The following ERAP2 variants were observed in gnomAD, a reference collection of about 807,000 sequenced individuals.
The protein encoded by ERAP2 is endoplasmic reticulum aminopeptidase 2, also known as leukocyte-derived arginine aminopeptidase.
ERAP2 carries 118 observed loss-of-function variants against 111.1 expected under a neutral mutation model. That is an observed-to-expected ratio of 1.06 (90% CI 0.92 to 1.24). The LOEUF (loss-of-function observed/expected upper bound fraction) is 1.24, where lower values mean the gene tolerates loss of function less well. Among genes scored for constraint, ERAP2 ranks in the 50% most tolerant of loss-of-function variants. The pLI, the probability that ERAP2 is intolerant of heterozygous loss-of-function variation, is 0.00. For synonymous variants in ERAP2, 410 were observed against 401.2 expected, an observed-to-expected ratio of 1.02 and a Z score of -0.26; for missense variants, 1,131 against 1,125.8, an observed-to-expected ratio of 1.00 and a Z score of -0.07.
intron 18 of ERAP2, among the ~76,000 whole-genome samples, chr5:96,916,259 G>A (rs1234446105): frequency 1.3e-5 from 2 of 150,674 alleles, no homozygotes; most frequent in Non-Finnish European, 3.0e-5. Flanking sequence ...AAAAACAACA[G>A]CAAAAAAAAG....
chr5:96,903,850 C>A (rs982121557), intron 13 of ERAP2, among the ~76,000 whole-genome samples: 1 of 152,148 alleles, frequency 6.6e-6, no homozygotes, highest in African/African-American at 2.4e-5. Context: ...ATCCTGTGGG[C>A]CACAGGATAG....
At chr5:96,908,533 T>C (rs1786354319) in intron 13 of ERAP2, among the ~76,000 whole-genome samples, 1 of 152,210 alleles carries the variant, frequency 6.6e-6, no homozygotes, top group Non-Finnish European at 1.5e-5. Context: ...CCCAATGTAC[T>C]TGGAGAAACA....
upstream of ERAP2, chr5:96,876,109 T>G (rs1782504596): frequency 6.6e-6 from 1 of 152,390 alleles, no homozygotes; most frequent in African/African-American, 2.4e-5. Flanking sequence ...GGAGTTACGT[T>G]TGTGGGGTGG....
chr5:96,915,469 A>G (rs1787276490), intron 17 of ERAP2, among the ~76,000 whole-genome samples: 1 of 126,200 alleles, frequency 7.9e-6, no homozygotes, highest in Admixed American at 8.5e-5. Context: ...TATTTCCCAA[A>G]GAAGCTGTAT....
chr5:96,878,998 G>T (rs1409988045), intron 1 of ERAP2, among the ~76,000 whole-genome samples: 3 of 152,078 alleles, frequency 2.0e-5, no homozygotes, highest in African/African-American at 7.2e-5. Context: ...CCAACAGTTT[G>T]GGAGGATTGC....
At chr5:96,891,385 A>ATG (rs1491088471) in intron 5 of ERAP2, among the ~76,000 whole-genome samples, 16 of 148,654 alleles carry the variant, frequency 1.1e-4, no homozygotes, top group South Asian at 2.1e-4. Context: ...ATATATATAT[A>ATG]TGTGTATACA....
intron 5 of ERAP2, among the ~76,000 whole-genome samples, chr5:96,889,840 A>G (rs955790560): frequency 3.5e-5 from 2 of 56,860 alleles, no homozygotes; most frequent in Non-Finnish European, 6.9e-5. Context: ...ATACACACAC[A>G]CACACACACA....
chr5:96,909,525 A>G, intron 14 of ERAP2, 55 bp from the exon 15 acceptor site: 2 of 1,418,738 alleles, frequency 1.4e-6, no homozygotes, highest in South Asian at 1.2e-5. Flanking sequence ...ATGGGCAAGA[A>G]CTGTGTTAAG....
At chr5:96,897,085 C>A (rs186823978) in intron 9 of ERAP2, among the ~76,000 whole-genome samples, 2 of 151,526 alleles carry the variant, frequency 1.3e-5, no homozygotes, top group Non-Finnish European at 2.9e-5. Flanking sequence ...ACCTGACTTT[C>A]TTTGGTTTCT....
chr5:96,913,252 G>A, intron 16 of ERAP2, 65 bp from the exon 17 acceptor site: 2 of 1,285,282 alleles, frequency 1.6e-6, no homozygotes, highest in Non-Finnish European at 2.2e-6. Context: ...TATATTGGTG[G>A]CTTGAGTTAA....
At chr5:96,910,184 G>T (rs1218925122) in intron 15 of ERAP2, 5 of 159,180 alleles carry the variant, frequency 3.1e-5, no homozygotes, top group Non-Finnish European at 6.9e-5. Flanking sequence ...AGAATTGCTT[G>T]AACCTGGGAA....
intron 13 of ERAP2, 88 bp downstream of exon 13, chr5:96,903,648 T>G: frequency 8.2e-7 from 1 of 1,218,898 alleles, no homozygotes; most frequent in Non-Finnish European, 1.1e-6. Context: ...TCAACATTGG[T>G]CATTGATTTA....
At chr5:96,886,495 G>C (rs1783728794) in intron 3 of ERAP2, among the ~76,000 whole-genome samples, 160 bp from the exon 4 acceptor site, 1 of 152,216 alleles carries the variant, frequency 6.6e-6, no homozygotes. Context: ...GGAGGTAAGA[G>C]AGGCTACAGA....
intron 14 of ERAP2, 123 bp from the exon 15 acceptor site, chr5:96,909,457 T>TA (rs1581896968): frequency 7.9e-6 from 6 of 761,746 alleles, no homozygotes; most frequent in Non-Finnish European, 1.3e-5. Flanking sequence ...AATACGAAGA[T>TA]ACACTGTTTG....
chr5:96,879,488 CT>C, intron 1 of ERAP2, 75 bp from the exon 2 acceptor site: 1 of 537,746 alleles, frequency 1.9e-6, no homozygotes. Flanking sequence ...TCACACATAC[CT>C]TTTTACATGT....
intron 13 of ERAP2, among the ~76,000 whole-genome samples, chr5:96,905,917 T>A (rs1195154272): frequency 6.6e-6 from 1 of 150,864 alleles, no homozygotes; most frequent in African/African-American, 2.4e-5. Flanking sequence ...ACATTTAGTT[T>A]GGAGAGATAA....
At chr5:96,902,617 T>C (rs915027999) in intron 12 of ERAP2, 1 of 299,480 alleles carries the variant, frequency 3.3e-6, no homozygotes, top group Non-Finnish European at 6.3e-6. Flanking sequence ...TTATGTCTTA[T>C]AATACCCACT....
At position 96,892,404 on chromosome 5, in the gene ERAP2, C is replaced by T. The variant is rs1187155808; in HGVS notation, c.1076C>T (p.Ser359Phe). Reference sequence around the variant, plus strand: ...TTTGACCCCAAGACCTCTTCTGCTTCCGATAAACTGTGGGTCACCAGAGTC... The same window carrying T: ...TTTGACCCCAAGACCTCTTCTGCTTTCGATAAACTGTGGGTCACCAGAGTC... ...LLFDPKTSSA[S>F]DKLWVTRVIA... Residue 359 changes from serine to phenylalanine, a missense_variant, in exon 6 of 19, where the codon TCC becomes TTC. Physicochemically the swap from Ser to Phe is radical, Grantham distance 155. This residue lies in a region of ERAP2 where 847 missense variants were observed against 856.5 expected (regional missense o/e 0.99). Transcript: ENST00000437043. The T allele has an allele frequency of 6.2e-7, 1 of 1,614,062 alleles. No individual in the cohort carries two copies. Among genetic ancestry groups the T allele is most frequent in the South Asian group, 1.1e-5 (1 of 91,082 alleles).
chr5:96,907,144 C>G (rs1786179519), intron 13 of ERAP2, among the ~76,000 whole-genome samples: 1 of 152,158 alleles, frequency 6.6e-6, no homozygotes, highest in Non-Finnish European at 1.5e-5. Flanking sequence ...TAGGTGTGGA[C>G]TTTTACTGTT....
Sources: gnomAD v4.1 joint callset for allele counts (sites outside exome capture counted in the v4.1 genomes callset) on GRCh38, gnomAD v4.1.1 for gene constraint, gnomAD v4.1.1 regional missense constraint, MANE v1.5 for transcripts, NCBI Gene and HGNC (gene_info 2026-07-23, HGNC 2026-07-21) for gene names.